DYNC1LI1: variants seen among roughly 807,000 people sequenced by gnomAD.
DYNC1LI1 encodes the protein dynein cytoplasmic 1 light intermediate chain 1.
In DYNC1LI1, 19 loss-of-function variants were observed where a neutral mutation model predicts 63.8. The observed-to-expected ratio is 0.30, with a 90% CI of 0.21 to 0.44. DYNC1LI1 has a LOEUF of 0.44. Among genes scored for constraint, DYNC1LI1 ranks in the 20% least tolerant of loss-of-function variants. The pLI, the probability that DYNC1LI1 is intolerant of heterozygous loss-of-function variation, is 1.00. For missense variants in DYNC1LI1, 565 were observed against 630.2 expected, an observed-to-expected ratio of 0.90 and a Z score of 1.11; for synonymous variants, 225 against 232.3, an observed-to-expected ratio of 0.97 and a Z score of 0.28.
chr3:32,561,179 A>G (rs1698188889), intron 2 of DYNC1LI1, among the ~76,000 whole-genome samples: 1 of 151,942 alleles, frequency 6.6e-6, no homozygotes, highest in African/African-American at 2.4e-5. Flanking sequence ...GTCACACTAA[A>G]GCAATGGTTC....
Position 32,537,907 on chromosome 3 carries a change from ATATATAATT to A in DYNC1LI1, c.739-812_739-804del, listed in dbSNP as rs1229201083. On this transcript the variant is annotated intron_variant, in intron 5 of 12. Coordinates refer to ENST00000273130, the MANE Select transcript of DYNC1LI1 (RefSeq NM_016141.4). ...TATATAATTTATATATATAATATAT[ATATATAATT>A]TATATATATAATATATATATAATAT... Among the ~76,000 whole-genome samples the A allele has an allele frequency of 9.9e-4, 85 of 85,434 alleles. 3 individuals carry two copies. Among genetic ancestry groups the A allele is most frequent in the African/African-American group, 4.3e-3 (83 of 19,202 alleles). 56.0% of individuals were successfully genotyped at this position (85,434 alleles called of 152,430 possible). A position where few individuals can be genotyped will look rare whatever the true frequency, so the allele number is the denominator to read the frequency against.
chr3:32,540,312 TATA>T (rs1697862663), intron 5 of DYNC1LI1, among the ~76,000 whole-genome samples: 2 of 152,200 alleles, frequency 1.3e-5, no homozygotes, highest in South Asian at 4.1e-4. Flanking sequence ...GTTAACTTTA[TATA>T]ATGAGTGCTG....
At position 32,526,150 on chromosome 3, in the gene DYNC1LI1, T is replaced by A. The variant is rs768830156; in HGVS notation, c.*649A>T. The A allele has an allele frequency of 1.1e-4, 17 of 152,734 alleles. No homozygotes were observed. Among genetic ancestry groups the A allele is most frequent in the Non-Finnish European group, 1.9e-4 (13 of 68,046 alleles). 9.5% of individuals were successfully genotyped at this position (152,734 alleles called of 1,614,324 possible). A position where few individuals can be genotyped will look rare whatever the true frequency, so the allele number is the denominator to read the frequency against. ...CCTCTGCATTTTTCTTTTACACATT[T>A]AGGCAGTGTGCTTTCTTTTCTCCTC... On this transcript the variant is annotated 3_prime_UTR_variant, in exon 13 of 13. Transcript: ENST00000273130.
At position 32,528,618 on chromosome 3, in the gene DYNC1LI1, A is replaced by G; in HGVS notation, c.1307-17T>C. The stretch of plus-strand genomic sequence containing the variant: ...TAGCTCCAGCTATAAAAAAATAAAA[A>G]AACAAAAAGCTTTAGCCAAAACATA... On this transcript the variant is annotated splice_polypyrimidine_tract_variant and intron_variant, in intron 11 of 12. Coordinates refer to ENST00000273130, the MANE Select transcript of DYNC1LI1 (RefSeq NM_016141.4). 6.3e-7 allele frequency: 1 copy of G among 1,585,776 alleles called. No homozygotes were observed. The highest frequency in any genetic ancestry group is 8.5e-7 in the Non-Finnish European group (1 of 1,171,212).
At position 32,529,623 on chromosome 3, in the gene DYNC1LI1, G is replaced by A; in HGVS notation, c.1223C>T (p.Thr408Ile). The A allele has an allele frequency of 6.2e-7, 1 of 1,609,580 alleles. No individual in the cohort carries two copies. Among genetic ancestry groups the A allele is most frequent in the East Asian group, 2.2e-5 (1 of 44,834 alleles). ...ATTAGATGATACAGATCTATTTGGTGTTCGTGGGGAGCCTCCTGGGACTCT... is the reference window on the plus strand; with the variant it reads ...ATTAGATGATACAGATCTATTTGGTATTCGTGGGGAGCCTCCTGGGACTCT... ...SPRVPGGSPR[T>I]PNRSVSSNVA... Residue 408 changes from threonine to isoleucine, a missense_variant, in exon 11 of 13, where the codon ACA becomes ATA. Coordinates refer to ENST00000273130, the MANE Select transcript of DYNC1LI1 (RefSeq NM_016141.4).
chr3:32,567,350 T>A (rs899636102), intron 2 of DYNC1LI1, among the ~76,000 whole-genome samples: 5 of 152,204 alleles, frequency 3.3e-5, no homozygotes, highest in Admixed American at 3.3e-4. Context: ...ATACACACGT[T>A]ACTACACATA....
intron 6 of DYNC1LI1, among the ~76,000 whole-genome samples, chr3:32,535,752 T>C (rs1697765947): frequency 6.6e-6 from 1 of 152,132 alleles, no homozygotes; most frequent in Non-Finnish European, 1.5e-5. Context: ...TCACTGTCAC[T>C]GATAAATACA....
Position 32,529,666 on chromosome 3 carries a change from T to G in DYNC1LI1, c.1186-6A>C. 2 of 1,579,430 alleles carry G rather than the reference T, an allele frequency of 1.3e-6. No homozygotes were observed. The highest frequency in any genetic ancestry group is 1.7e-6 in the Non-Finnish European group (2 of 1,165,942). On this transcript the variant is annotated splice_region_variant and splice_polypyrimidine_tract_variant and intron_variant, in intron 10 of 12. Transcript: ENST00000273130. ...GGGACTCTTGGTGAGGCATCCTATG[T>G]AAAAATAGGAAAATACAATTATAAA...
chr3:32,560,360 G>C (rs549451753), intron 2 of DYNC1LI1, among the ~76,000 whole-genome samples: 1 of 152,306 alleles, frequency 6.6e-6, no homozygotes, highest in South Asian at 2.1e-4. Context: ...TTGAACCAGG[G>C]AGACGGAGGT....
In DYNC1LI1 at chr3:32,529,611, G is replaced by C. The variant is rs769709439; in HGVS notation, c.1235C>G (p.Ser412Cys). The change falls in exon 11 of 13, where the codon TCT (serine) becomes TGT (cysteine). Residue 412 changes from serine to cysteine, a missense_variant. Coordinates refer to ENST00000273130, the MANE Select transcript of DYNC1LI1 (RefSeq NM_016141.4). ...PGGSPRTPNRSVSSNVASVSP... is the reference protein window; with the variant it reads ...PGGSPRTPNRCVSSNVASVSP... ...CACGCTGGCAACATTAGATGATACA[G>C]ATCTATTTGGTGTTCGTGGGGAGCC... The C allele has an allele frequency of 6.2e-6, 10 of 1,609,986 alleles. No individual in the cohort carries two copies. The East Asian group carries it at 8.9e-5, about 14-fold the overall frequency.
Position 32,530,332 on chromosome 3 carries a change from A to C in DYNC1LI1, c.1141-4T>G. On this transcript the variant is annotated splice_region_variant and splice_polypyrimidine_tract_variant and intron_variant, in intron 9 of 12. Transcript: ENST00000273130. ...GTGGTTGCTTTGCTAAAAGGGACTG[A>C]AAAAAAAAAAAAAAAAGAATCCTAG... The C allele has an allele frequency of 5.0e-6, 1 of 200,862 alleles. No homozygotes were observed. Among genetic ancestry groups the C allele is most frequent in the South Asian group, 1.3e-4 (1 of 7,662 alleles). 12.4% of individuals were successfully genotyped at this position (200,862 alleles called of 1,614,324 possible).
rs1293742798 is a variant in DYNC1LI1, at chr3:32,537,901, A to T, written c.739-797T>A. Among the ~76,000 whole-genome samples the T allele has an allele frequency of 1.6e-3, 79 of 49,388 alleles. 3 individuals carry two copies. Among genetic ancestry groups the T allele is most frequent in the African/African-American group, 5.8e-3 (65 of 11,284 alleles). The allele number at this position is 49,388 out of a possible 152,430, so 32.4% of individuals were successfully genotyped here. The stretch of plus-strand genomic sequence containing the variant: ...TATATATATATAATTTATATATATA[A>T]TATATATATATAATTTATATATATA... On this transcript the variant is annotated intron_variant, in intron 5 of 12. Transcript: ENST00000273130.
At chr3:32,534,758 C>T in intron 6 of DYNC1LI1, 112 bp from the exon 7 acceptor site, 1 of 834,460 alleles carries the variant, frequency 1.2e-6, no homozygotes, top group Non-Finnish European at 1.8e-6. Context: ...TCAGAAATAA[C>T]TCCAAAGGTA....
At chr3:32,537,621 CAA>C (rs911349199) in intron 5 of DYNC1LI1, among the ~76,000 whole-genome samples, 2 of 151,222 alleles carry the variant, frequency 1.3e-5, no homozygotes, top group African/African-American at 4.9e-5. Context: ...TCACTAATAA[CAA>C]AATAAGGAAA....
intron 8 of DYNC1LI1, 87 bp downstream of exon 8, chr3:32,532,899 G>T: frequency 7.1e-7 from 1 of 1,413,696 alleles, no homozygotes; most frequent in Non-Finnish European, 9.2e-7. Context: ...GGACATTTTT[G>T]CCTTTCTACA....
chr3:32,563,863 A>G (rs1698224932), intron 2 of DYNC1LI1, among the ~76,000 whole-genome samples: 1 of 152,268 alleles, frequency 6.6e-6, no homozygotes, highest in South Asian at 2.1e-4. Flanking sequence ...AACTGGAATA[A>G]CAATGATACT....
At chr3:32,528,338 TAGC>T in intron 12 of DYNC1LI1, 105 bp downstream of exon 12, 2 of 1,281,796 alleles carry the variant, frequency 1.6e-6, no homozygotes, top group Non-Finnish European at 2.2e-6. Flanking sequence ...CTGCCCAACT[TAGC>T]AAAGATACCA....
intron 7 of DYNC1LI1, 151 bp from the exon 8 acceptor site, chr3:32,533,248 C>T (rs1232173735): frequency 1.6e-6 from 2 of 1,286,182 alleles, no homozygotes; most frequent in Non-Finnish European, 2.0e-6. Context: ...CCACGTTTTA[C>T]TAATTTCTAC....
At chr3:32,548,366 G>A (rs1415317206) in intron 2 of DYNC1LI1, among the ~76,000 whole-genome samples, 1 of 152,130 alleles carries the variant, frequency 6.6e-6, no homozygotes, top group Non-Finnish European at 1.5e-5. Flanking sequence ...GATGATCTGA[G>A]GTAAAAGAGT....
Sources: allele counts gnomAD v4.1 joint callset (sites outside exome capture counted in the v4.1 genomes callset), GRCh38; gene constraint gnomAD v4.1.1; transcripts MANE v1.5; gene names NCBI Gene and HGNC (gene_info 2026-07-23, HGNC 2026-07-21).